Variants in EDRF1 observed in about 807,000 individuals in gnomAD.
EDRF1 encodes the protein erythroid differentiation regulatory factor 1, also known as erythroid differentiation-related factor 1.
EDRF1 carries 69 observed loss-of-function variants against 148.7 expected under a neutral mutation model. The ratio of observed to expected loss-of-function variants is 0.46; its 90% CI spans 0.38 to 0.57. The LOEUF is 0.57. Among genes scored for constraint, EDRF1 ranks in the 20% least tolerant of loss-of-function variants. EDRF1 has a pLI of 0.00. For synonymous variants in EDRF1, 515 were observed against 532.8 expected, an observed-to-expected ratio of 0.97 and a Z score of 0.46; for missense variants, 1,118 against 1,478.7, an observed-to-expected ratio of 0.76 and a Z score of 4.00.
intron 22 of EDRF1, chr10:125,750,445 C>T (rs960526742): frequency 6.6e-6 from 1 of 152,204 alleles, no homozygotes; most frequent in Admixed American, 6.5e-5. Context: ...CTCACCTATT[C>T]TCCTCTCCCG....
intron 19 of EDRF1, 34 bp downstream of exon 19, chr10:125,745,964 A>T: frequency 1.3e-6 from 2 of 1,590,554 alleles, no homozygotes; most frequent in Non-Finnish European, 1.7e-6. Flanking sequence ...GGCCTCACCC[A>T]TTCACACCTG....
In EDRF1 at chr10:125,719,996, C is replaced by T. The variant is rs958884069; in HGVS notation, c.108+81C>T. 82 of 1,329,492 alleles carry T rather than the reference C, an allele frequency of 6.2e-5. No homozygotes were observed. In the East Asian group the frequency reaches 1.1e-3, roughly 17 times the overall value. 82.4% of individuals were successfully genotyped at this position (1,329,492 alleles called of 1,614,324 possible). On this transcript the variant is annotated intron_variant, in intron 1 of 24. Coordinates refer to ENST00000356792, the MANE Select transcript of EDRF1 (RefSeq NM_001202438.2). ...CACCGGGGAGGGATGCCACGGTTCC[C>T]GGCAGATTCTGGAGGCTTCTCCATG...
At chr10:125,762,503 A>C (rs1850238287) in intron 24 of EDRF1, among the ~76,000 whole-genome samples, 1 of 152,052 alleles carries the variant, frequency 6.6e-6, no homozygotes, top group Non-Finnish European at 1.5e-5. Flanking sequence ...AAAAAAAAAA[A>C]AGATGCTAGA....
chr10:125,721,105 G>A, intron 1 of EDRF1, 99 bp from the exon 2 acceptor site: 2 of 1,169,670 alleles, frequency 1.7e-6, no homozygotes. Flanking sequence ...TACGTTCCTT[G>A]TGAAGCCTGG....
chr10:125,750,157 CAAAA>C (rs111620834), intron 22 of EDRF1, among the ~76,000 whole-genome samples: 4 of 150,564 alleles, frequency 2.7e-5, no homozygotes, highest in African/African-American at 9.8e-5. Context: ...CAAAAACAAA[CAAAA>C]AAAAAGATTT....
At chr10:125,721,450 A>T (rs1172941034) in intron 2 of EDRF1, 38 bp downstream of exon 2, 1 of 1,574,796 alleles carries the variant, frequency 6.4e-7, no homozygotes, top group Admixed American at 1.7e-5. Flanking sequence ...CTGCCCCTCC[A>T]CCCTCACTTA....
chr10:125,733,182 A>G (rs1242475560), intron 9 of EDRF1, among the ~76,000 whole-genome samples: 3 of 152,174 alleles, frequency 2.0e-5, no homozygotes, highest in Non-Finnish European at 4.4e-5. Flanking sequence ...GTGATTCTCC[A>G]TTGAAATTAC....
intron 24 of EDRF1, chr10:125,756,745 A>G (rs1012180741): frequency 3.7e-5 from 14 of 377,882 alleles, no homozygotes; most frequent in Non-Finnish European, 6.0e-5. Flanking sequence ...TATGTCTTTT[A>G]TATTAAAATT....
intron 6 of EDRF1, 146 bp downstream of exon 6, chr10:125,725,984 A>G (rs913388065): frequency 4.3e-6 from 4 of 922,130 alleles, no homozygotes; most frequent in Non-Finnish European, 1.6e-6. Context: ...CTGTCAATTT[A>G]TGGAATTGGA....
chr10:125,731,458 G>A (rs2073544775), intron 9 of EDRF1, among the ~76,000 whole-genome samples: 1 of 152,202 alleles, frequency 6.6e-6, no homozygotes, highest in African/African-American at 2.4e-5. Context: ...ATACATGAAA[G>A]GATTGATAAT....
chr10:125,753,474 G>A (rs1176689126), intron 23 of EDRF1, among the ~76,000 whole-genome samples: 2 of 152,210 alleles, frequency 1.3e-5, no homozygotes, highest in Non-Finnish European at 2.9e-5. Flanking sequence ...ATGTTGGAAA[G>A]TCAGGATTAA....
At chr10:125,729,323 CTG>C in intron 7 of EDRF1, 33 bp from the exon 8 acceptor site, 1 of 1,608,444 alleles carries the variant, frequency 6.2e-7, no homozygotes, top group Non-Finnish European at 8.5e-7. Flanking sequence ...TACAGATTGA[CTG>C]TTTATTATAA....
chr10:125,753,606 T>C, intron 23 of EDRF1, 88 bp from the exon 24 acceptor site: 1 of 1,396,148 alleles, frequency 7.2e-7, no homozygotes, highest in South Asian at 1.2e-5. Context: ...ATGTATTGGA[T>C]GAATGAAACT....
At chr10:125,753,212 A>T (rs540108518) in intron 23 of EDRF1, among the ~76,000 whole-genome samples, 1 of 152,294 alleles carries the variant, frequency 6.6e-6, no homozygotes, top group African/African-American at 2.4e-5. Flanking sequence ...GTTTTGTTTT[A>T]TGTTTTAAAA....
chr10:125,743,093 G>A lies in EDRF1; in HGVS notation c.2407G>A (p.Glu803Lys). The A allele has an allele frequency of 6.2e-7, 1 of 1,613,884 alleles. No individual in the cohort carries two copies. Among genetic ancestry groups the A allele is most frequent in the Non-Finnish European group, 8.5e-7 (1 of 1,179,936 alleles). ...GGCAACTGATTTGTCTACAGACTTA[G>A]AAAGTCAACTCTCTGTTAGTTGTAA... ...AWATDLSTDL[E>K]SQLSVSCKCY... Residue 803 changes from glutamate to lysine, a missense_variant, in exon 18 of 25, where the codon GAA becomes AAA. Physicochemically the swap from Glu to Lys is moderately conservative, Grantham distance 56 (BLOSUM62 1). Around this residue, in one of 3 missense-constraint regions of EDRF1, gnomAD observed 954 missense variants for 1,241.4 expected, o/e 0.77. Coordinates refer to ENST00000356792, the MANE Select transcript of EDRF1 (RefSeq NM_001202438.2).
intron 13 of EDRF1, 49 bp from the exon 14 acceptor site, chr10:125,737,869 A>G (rs1224462724): frequency 6.5e-7 from 1 of 1,536,582 alleles, no homozygotes; most frequent in South Asian, 1.1e-5. Flanking sequence ...CAATATGTTG[A>G]CCTTAATACA....
intron 6 of EDRF1, among the ~76,000 whole-genome samples, chr10:125,727,124 C>G (rs908540685): frequency 1.3e-5 from 2 of 152,062 alleles, no homozygotes; most frequent in African/African-American, 4.8e-5. Context: ...ATACAGCTGG[C>G]GAAACTCTCA....
chr10:125,749,735 T>G, intron 22 of EDRF1, 170 bp downstream of exon 22: 1 of 734,680 alleles, frequency 1.4e-6, no homozygotes, highest in South Asian at 1.7e-5. Flanking sequence ...TTTGAAGTGC[T>G]TTTTAAAACT....
chr10:125,719,801 C>G lies in EDRF1; in HGVS notation c.-7C>G. ...CCCCGTCGTATCGCCTGCCCTGGAT[C>G]GAAGTGATGGGGGATGCCAAGGAGG... On this transcript the variant is annotated 5_prime_UTR_variant, in exon 1 of 25. The change creates a new upstream start codon in the 5' untranslated region. Coordinates refer to ENST00000356792, the MANE Select transcript of EDRF1 (RefSeq NM_001202438.2). The G allele has an allele frequency of 6.2e-7, 1 of 1,608,678 alleles. No individual in the cohort carries two copies. The highest frequency in any genetic ancestry group is 8.5e-7 in the Non-Finnish European group (1 of 1,177,450).
Sources: gnomAD v4.1 joint callset for allele counts (sites outside exome capture counted in the v4.1 genomes callset) on GRCh38, gnomAD v4.1.1 for gene constraint, gnomAD v4.1.1 regional missense constraint, MANE v1.5 for transcripts, NCBI Gene and HGNC (gene_info 2026-07-23, HGNC 2026-07-21) for gene names.